Variants in CNTNAP2 observed in about 807,000 individuals in gnomAD.
The protein encoded by CNTNAP2 is contactin-associated protein-like 2.
Under a neutral mutation model 155.2 loss-of-function variants are expected in CNTNAP2, and 98 were observed. The ratio of observed to expected loss-of-function variants is 0.63; its 90% CI spans 0.54 to 0.75. The LOEUF (loss-of-function observed/expected upper bound fraction) is 0.75, where lower values mean the gene tolerates loss of function less well. Ranked by LOEUF, CNTNAP2 falls within the 30% of genes least tolerant of loss-of-function variation. CNTNAP2 has a pLI of 0.00. For missense variants in CNTNAP2, 1,727 were observed against 1,688.1 expected, an observed-to-expected ratio of 1.02 and a Z score of -0.40; for synonymous variants, 651 against 631.2, an observed-to-expected ratio of 1.03 and a Z score of -0.47.
At chr7:147,848,917 A>C (rs969108946) in intron 13 of CNTNAP2, among the ~76,000 whole-genome samples, 1 of 152,156 alleles carries the variant, frequency 6.6e-6, no homozygotes, top group African/African-American at 2.4e-5. Context: ...TTTTTTCTCA[A>C]ATAGTGAGAT....
intron 15 of CNTNAP2, among the ~76,000 whole-genome samples, chr7:148,111,803 G>T (rs376644229): frequency 5.3e-5 from 8 of 152,302 alleles, no homozygotes; most frequent in African/African-American, 1.9e-4. Context: ...AATTAAGTGC[G>T]AAAGTAGAAT....
chr7:148,267,402 C>G (rs1040431531), intron 21 of CNTNAP2, among the ~76,000 whole-genome samples: 2 of 151,976 alleles, frequency 1.3e-5, no homozygotes, highest in African/African-American at 4.8e-5. Flanking sequence ...CGCCTGTAAT[C>G]CCAGCACTTT....
At chr7:146,772,071 G>C (rs1271384810) in intron 1 of CNTNAP2, among the ~76,000 whole-genome samples, 2 of 152,086 alleles carry the variant, frequency 1.3e-5, no homozygotes. Context: ...CCATTGTTCA[G>C]ATCACTGGAG....
intron 21 of CNTNAP2, among the ~76,000 whole-genome samples, chr7:148,341,036 G>A (rs1798220013): frequency 6.6e-6 from 1 of 152,220 alleles, no homozygotes. Flanking sequence ...CTGACCCACA[G>A]CGACTGCTGA....
At chr7:147,590,185 C>T (rs1420600329) in intron 12 of CNTNAP2, among the ~76,000 whole-genome samples, 1 of 152,018 alleles carries the variant, frequency 6.6e-6, no homozygotes, top group African/African-American at 2.4e-5. Context: ...TTTTTCTTTC[C>T]TCATCCTATC....
chr7:148,329,927 CT>C (rs1797956065), intron 21 of CNTNAP2, among the ~76,000 whole-genome samples: 1 of 152,260 alleles, frequency 6.6e-6, no homozygotes, highest in Non-Finnish European at 1.5e-5. Flanking sequence ...AGTGCAGGCC[CT>C]TACCCCCGTC....
intron 15 of CNTNAP2, among the ~76,000 whole-genome samples, chr7:148,002,900 G>T (rs1409185573): frequency 6.6e-6 from 1 of 152,142 alleles, no homozygotes; most frequent in African/African-American, 2.4e-5. Flanking sequence ...TACTGTGTAA[G>T]TACATAAACA....
chr7:148,326,927 G>A (rs1378390710), intron 21 of CNTNAP2, among the ~76,000 whole-genome samples: 2 of 151,566 alleles, frequency 1.3e-5, no homozygotes, highest in South Asian at 2.1e-4. Context: ...GTTGATTTAA[G>A]GCAGATGTGG....
At chr7:147,864,236 A>G (rs999218344) in intron 13 of CNTNAP2, among the ~76,000 whole-genome samples, 11 of 152,094 alleles carry the variant, frequency 7.2e-5, no homozygotes, top group Admixed American at 3.9e-4. Flanking sequence ...TCCAATGGTT[A>G]TAGATGTGTG....
intron 1 of CNTNAP2, among the ~76,000 whole-genome samples, chr7:146,502,337 C>T (rs1197879039): frequency 3.4e-5 from 5 of 147,952 alleles, no homozygotes; most frequent in Non-Finnish European, 5.9e-5. Context: ...TGAATAGTGC[C>T]GCAATGAACA....
At chr7:146,460,356 AAGAC>A (rs1276155959) in intron 1 of CNTNAP2, among the ~76,000 whole-genome samples, 1 of 149,640 alleles carries the variant, frequency 6.7e-6, no homozygotes, top group Non-Finnish European at 1.5e-5. Flanking sequence ...CATTATAAAA[AAGAC>A]AGTATGAAGG....
chr7:146,392,258 T>C (rs1272588427), intron 1 of CNTNAP2, among the ~76,000 whole-genome samples: 2 of 151,806 alleles, frequency 1.3e-5, no homozygotes, highest in Non-Finnish European at 2.9e-5. Context: ...CAATGACTTA[T>C]GACATTAATA....
intron 21 of CNTNAP2, among the ~76,000 whole-genome samples, chr7:148,292,796 C>T (rs973639551): frequency 1.3e-5 from 2 of 152,130 alleles, no homozygotes; most frequent in Non-Finnish European, 2.9e-5. Flanking sequence ...AATCTAGCTG[C>T]TTCCCATCCA....
At chr7:146,465,891 C>CG (rs1796710413) in intron 1 of CNTNAP2, among the ~76,000 whole-genome samples, 1 of 151,980 alleles carries the variant, frequency 6.6e-6, no homozygotes. Context: ...ATCACATATA[C>CG]GGTGTATGAA....
intron 15 of CNTNAP2, among the ~76,000 whole-genome samples, chr7:148,092,645 C>G (rs1585121059): frequency 6.6e-6 from 1 of 152,110 alleles, no homozygotes; most frequent in East Asian, 1.9e-4. Context: ...AAAAATCCTC[C>G]ATGGTGAGCA....
intron 14 of CNTNAP2, among the ~76,000 whole-genome samples, chr7:147,925,663 A>C (rs1341590485): frequency 6.6e-6 from 1 of 152,022 alleles, no homozygotes; most frequent in Non-Finnish European, 1.5e-5. Flanking sequence ...GGGTTTCACC[A>C]TGTTAGCCAG....
chr7:147,367,089 T>C (rs1001557368), intron 9 of CNTNAP2, among the ~76,000 whole-genome samples: 4 of 152,186 alleles, frequency 2.6e-5, no homozygotes, highest in African/African-American at 9.7e-5. Context: ...ACCCGGTGTA[T>C]ACAAAAAGCA....
intron 10 of CNTNAP2, among the ~76,000 whole-genome samples, chr7:147,483,994 G>A (rs900365370): frequency 8.4e-6 from 1 of 118,616 alleles, no homozygotes; most frequent in African/African-American, 3.4e-5. Context: ...TTTCAGGCCC[G>A]GGTGAAATGT....
chr7:148,157,699 A>G lies in CNTNAP2; in HGVS notation c.2773+9990A>G, dbSNP rs761219238. 3.7e-4 allele frequency among the ~76,000 whole-genome samples: 57 copies of G among 152,054 alleles called. 1 individual carries two copies. The highest frequency in any genetic ancestry group is 2.6e-3 in the Admixed American group (39 of 15,264). ...ATTGGGGTCTTGCCTGTTTGGCGGT[A>G]GCTGTGATGCTGGCTGCAATCCTAA... On this transcript the variant is annotated intron_variant, in intron 17 of 23. Transcript: ENST00000361727.
Sources: allele counts gnomAD v4.1 joint callset (sites outside exome capture counted in the v4.1 genomes callset), GRCh38; gene constraint gnomAD v4.1.1; transcripts MANE v1.5; gene names NCBI Gene and HGNC (gene_info 2026-07-23, HGNC 2026-07-21).